Variants in SEMA3C observed in about 807,000 individuals in gnomAD.
The protein encoded by SEMA3C is semaphorin 3C, also known as semaphorin-3C.
A neutral mutation model predicts 89.4 loss-of-function variants in SEMA3C; 47 were observed. That is an observed-to-expected ratio of 0.53 (90% CI 0.42 to 0.67). SEMA3C has a LOEUF of 0.67. Ranked by LOEUF, SEMA3C falls within the 30% of genes least tolerant of loss-of-function variation. SEMA3C has a pLI of 0.00. For synonymous variants in SEMA3C, 310 were observed against 320.2 expected, an observed-to-expected ratio of 0.97 and a Z score of 0.34; for missense variants, 839 against 929.1, an observed-to-expected ratio of 0.90 and a Z score of 1.26.
chr7:80,784,871 G>A (rs1275119486), intron 12 of SEMA3C, among the ~76,000 whole-genome samples: 1 of 151,986 alleles, frequency 6.6e-6, no homozygotes, highest in Non-Finnish European at 1.5e-5. Context: ...ATTAGTGTAT[G>A]TACCATACAG....
intron 2 of SEMA3C, among the ~76,000 whole-genome samples, chr7:80,855,768 G>A (rs2115960960): frequency 6.6e-6 from 1 of 152,254 alleles, no homozygotes; most frequent in South Asian, 2.1e-4. Flanking sequence ...AATAAAAGGA[G>A]ATGACAATTT....
intron 2 of SEMA3C, among the ~76,000 whole-genome samples, chr7:80,897,483 C>T (rs1482576246): frequency 3.5e-4 from 54 of 152,116 alleles, no homozygotes; most frequent in Admixed American, 3.5e-3. Flanking sequence ...CTGGCCAATT[C>T]TGACCTCCCT....
chr7:80,879,949 C>T (rs548736786), intron 2 of SEMA3C, among the ~76,000 whole-genome samples: 7 of 152,242 alleles, frequency 4.6e-5, no homozygotes, highest in East Asian at 3.9e-4. Flanking sequence ...ACGGTACCAA[C>T]GAAATGAGAT....
At chr7:80,889,388 C>T (rs1002818957) in intron 2 of SEMA3C, among the ~76,000 whole-genome samples, 4 of 151,980 alleles carry the variant, frequency 2.6e-5, no homozygotes, top group East Asian at 1.9e-4. Context: ...CATCTTTCTG[C>T]GTTATGAATA....
intron 2 of SEMA3C, among the ~76,000 whole-genome samples, chr7:80,907,397 G>A (rs1252570398): frequency 6.6e-6 from 1 of 151,948 alleles, no homozygotes; most frequent in Admixed American, 6.6e-5. Context: ...CTCTTTTGGT[G>A]ATGATAATAC....
chr7:80,839,715 G>A (rs1790218566), intron 2 of SEMA3C, among the ~76,000 whole-genome samples: 1 of 151,758 alleles, frequency 6.6e-6, no homozygotes, highest in Non-Finnish European at 1.5e-5. Context: ...TATAAAGACA[G>A]TCAATATTTC....
At chr7:80,746,048 C>G (rs980834940) in intron 17 of SEMA3C, among the ~76,000 whole-genome samples, 1 of 152,106 alleles carries the variant, frequency 6.6e-6, no homozygotes, top group African/African-American at 2.4e-5. Flanking sequence ...ACCTTCCTCA[C>G]AGTTCCACCT....
intron 12 of SEMA3C, among the ~76,000 whole-genome samples, chr7:80,787,543 A>G (rs1190007356): frequency 1.3e-5 from 2 of 152,118 alleles, no homozygotes; most frequent in Admixed American, 6.5e-5. Context: ...AGGTAAAGTG[A>G]GATTCTCCAA....
At position 80,757,327 on chromosome 7, in the gene SEMA3C, C is replaced by G. The variant is rs187532032; in HGVS notation, c.1643+1004G>C. On this transcript the variant is annotated intron_variant, in intron 15 of 17. Transcript: ENST00000265361. ...AAAATACCTATGACCTTGGTTGACT[C>G]TGAATTCTGCATATTCCTTTTCAAT... is the stretch of plus-strand genomic sequence containing the variant. 3.6e-3 allele frequency among the ~76,000 whole-genome samples: 545 copies of G among 152,350 alleles called. 3 individuals are homozygous for G. Among genetic ancestry groups the G allele is most frequent in the African/African-American group, 0.013 (529 of 41,582 alleles).
intron 2 of SEMA3C, among the ~76,000 whole-genome samples, chr7:80,888,270 C>T (rs1341530844): frequency 7.3e-5 from 11 of 151,456 alleles, no homozygotes; most frequent in Non-Finnish European, 1.2e-4. Flanking sequence ...AAAAACTAGC[C>T]GGGCATGGTG....
At chr7:80,905,371 C>T (rs921563320) in intron 2 of SEMA3C, among the ~76,000 whole-genome samples, 2 of 147,218 alleles carry the variant, frequency 1.4e-5, no homozygotes, top group Non-Finnish European at 3.0e-5. Flanking sequence ...AGACCCCTAC[C>T]ACCACCACAG....
chr7:80,795,189 C>T (rs528374074), intron 11 of SEMA3C, among the ~76,000 whole-genome samples: 15 of 152,174 alleles, frequency 9.9e-5, no homozygotes, highest in South Asian at 2.1e-4. Flanking sequence ...CTACATGAGA[C>T]GATATTAAAC....
At chr7:80,753,832 A>G (rs1787992913) in intron 15 of SEMA3C, among the ~76,000 whole-genome samples, 1 of 152,266 alleles carries the variant, frequency 6.6e-6, no homozygotes, top group Admixed American at 6.5e-5. Flanking sequence ...AAATACTGTT[A>G]GAGACTATAC....
In SEMA3C at chr7:80,818,334, C is replaced by T; in HGVS notation, c.412G>A (p.Val138Ile). The T allele has an allele frequency of 6.2e-7, 1 of 1,613,338 alleles. No homozygotes were observed. ...YVCGSGAFSP[V>I]CTYLNRGRRS... ...CTCCCTCTGTTCAAGTAAGTACAGA[C>T]AGGACTGAAAGCGCCACTCCCACAG... Residue 138 changes from valine to isoleucine, a missense_variant, in exon 5 of 18, where the codon GTC (valine) becomes ATC (isoleucine). By Grantham distance (29) the Val-to-Ile change is conservative. Transcript: ENST00000265361.
intron 2 of SEMA3C, chr7:80,905,710 A>T (rs1791997790): frequency 2.2e-6 from 1 of 462,224 alleles, no homozygotes; most frequent in Non-Finnish European, 4.1e-6. Context: ...GCTCTAAACT[A>T]GTTTAAGATA....
chr7:80,745,491 G>A (rs1787780220), intron 17 of SEMA3C, among the ~76,000 whole-genome samples, 184 bp from the exon 18 acceptor site: 1 of 148,940 alleles, frequency 6.7e-6, no homozygotes, highest in South Asian at 2.1e-4. Context: ...TTTTAAACAT[G>A]GGAGATCTTG....
At chr7:80,765,810 C>T (rs935074829) in intron 12 of SEMA3C, among the ~76,000 whole-genome samples, 1 of 152,126 alleles carries the variant, frequency 6.6e-6, no homozygotes, top group African/African-American at 2.4e-5. Context: ...ATCTCCTGAT[C>T]TCATGATGCG....
upstream of SEMA3C, chr7:80,922,306 T>A (rs1406350210): frequency 2.3e-6 from 3 of 1,288,256 alleles, no homozygotes; most frequent in Non-Finnish European, 3.0e-6. Flanking sequence ...TACTTCCCTC[T>A]CTTTCTCCTT....
At chr7:80,769,092 G>C (rs550194839) in intron 12 of SEMA3C, among the ~76,000 whole-genome samples, 1 of 151,958 alleles carries the variant, frequency 6.6e-6, no homozygotes, top group Non-Finnish European at 1.5e-5. Context: ...ATATATAATA[G>C]TTGTACTATT....
Sources: gnomAD v4.1 joint callset for allele counts (sites outside exome capture counted in the v4.1 genomes callset) on GRCh38, gnomAD v4.1.1 for gene constraint, MANE v1.5 for transcripts, NCBI Gene and HGNC (gene_info 2026-07-23, HGNC 2026-07-21) for gene names.